The following NSUN2 variants were observed in gnomAD, a reference collection of about 807,000 sequenced individuals.
NSUN2 encodes the protein RNA cytosine C(5)-methyltransferase NSUN2.
In NSUN2, 63 loss-of-function variants were observed where a neutral mutation model predicts 92.7. That is an observed-to-expected ratio of 0.68 (90% confidence interval 0.56 to 0.84). The LOEUF (loss-of-function observed/expected upper bound fraction) is 0.84. Among genes scored for constraint, NSUN2 ranks in the 40% least tolerant of loss-of-function variants. The pLI is 0.00. For synonymous variants in NSUN2, 356 were observed against 348.3 expected, an observed-to-expected ratio of 1.02 and a Z score of -0.25; for missense variants, 989 against 964.9, an observed-to-expected ratio of 1.02 and a Z score of -0.33.
intron 12 of NSUN2, among the ~76,000 whole-genome samples, chr5:6,609,046 A>C (rs1736888685): frequency 6.6e-6 from 1 of 152,208 alleles, no homozygotes; most frequent in South Asian, 2.1e-4. Flanking sequence ...TAAACTGCAC[A>C]AACCGTGCCC....
rs774801509 is a variant in NSUN2, at chr5:6,623,232, G to A, written c.519C>T (p.Asn173=). The A allele has an allele frequency of 4.9e-5, 79 of 1,603,208 alleles. No homozygotes were observed. Among genetic ancestry groups the A allele is most frequent in the Admixed American group, 1.5e-4 (9 of 58,172 alleles). Residue 173 remains asparagine, a synonymous_variant, in exon 5 of 19, where the codon AAC becomes AAT. Coordinates refer to ENST00000264670, the MANE Select transcript of NSUN2 (RefSeq NM_017755.6). ...AVSMIPPLLL[N]VRPHHKILDM... ...ATGCTACCTTATGATGAGGCCGCAC[G>A]TTGAGGAGCAGTGGTGGGATCATGC...
chr5:6,611,027 T>G lies in NSUN2; in HGVS notation c.1154A>C (p.His385Pro). 1 of 1,614,158 alleles carries G rather than the reference T, an allele frequency of 6.2e-7. No individual in the cohort carries two copies. The highest frequency in any genetic ancestry group is 8.5e-7 in the Non-Finnish European group (1 of 1,180,030). The change falls in exon 11 of 19, where the codon CAC becomes CCC. Residue 385 changes from histidine to proline, a missense_variant. His to Pro is a moderately conservative substitution (Grantham distance 77, BLOSUM62 -2). Transcript: ENST00000264670. ...GAACATGGTAGGTCGGATCTGGGTG[T>G]GTCTGCTGTGAGGAACAGCGTCCCA... The part of the protein sequence containing the change: ...TDWDAVPHSR[H>P]TQIRPTMFPP...
At chr5:6,611,233 A>G in intron 10 of NSUN2, 148 bp from the exon 11 acceptor site, 3 of 857,424 alleles carry the variant, frequency 3.5e-6, no homozygotes, top group Non-Finnish European at 5.2e-6. Context: ...AAGACAAAAC[A>G]AAACAATCTT....
chr5:6,604,521 ATC>A, intron 16 of NSUN2, 82 bp downstream of exon 16: 6 of 1,269,174 alleles, frequency 4.7e-6, no homozygotes, highest in Non-Finnish European at 6.9e-6. Flanking sequence ...CACTCAGACC[ATC>A]TGGCTGACCA....
rs11743548 is a variant in NSUN2 at position 6,605,716 on chromosome 5, G to T, written c.1602-308C>A. ...CTTTTGAGACTTTTTTTTTTTTTTT[G>T]ATATGGAGTCTTGCTCTGTCTTCCA... On this transcript the variant is annotated intron_variant, in intron 14 of 18. Coordinates refer to ENST00000264670, the MANE Select transcript of NSUN2 (RefSeq NM_017755.6). Among the ~76,000 whole-genome samples, 56,251 of 137,976 alleles carry T rather than the reference G, an allele frequency of 0.41. 10,752 individuals are homozygous for T. The highest frequency in any genetic ancestry group is 0.49 in the Middle Eastern group (135 of 274). The allele number at this position is 137,976 out of a possible 152,430, so 90.5% of individuals were successfully genotyped here. A position where few individuals can be genotyped will look rare whatever the true frequency, so the allele number is the denominator to read the frequency against.
chr5:6,612,259 G>A (rs568204), intron 9 of NSUN2, among the ~76,000 whole-genome samples: 4,138 of 152,264 alleles, frequency 0.027, 198 homozygotes, highest in African/African-American at 0.094. Context: ...CGCCTGCTCC[G>A]TCTCCCCATT....
At chr5:6,604,485 TG>T in intron 16 of NSUN2, 119 bp downstream of exon 16, 1 of 1,008,864 alleles carries the variant, frequency 9.9e-7, no homozygotes, top group Non-Finnish European at 1.5e-6. Context: ...GTCAAGTGGC[TG>T]GTAGGTGCCA....
chr5:6,622,414 C>T (rs1737483059), intron 5 of NSUN2, among the ~76,000 whole-genome samples: 1 of 152,196 alleles, frequency 6.6e-6, no homozygotes, highest in Admixed American at 6.5e-5. Context: ...CAAATCTCAG[C>T]TCAGCCAGTT....
intron 14 of NSUN2, 77 bp from the exon 15 acceptor site, chr5:6,605,485 T>C: frequency 6.7e-7 from 1 of 1,491,132 alleles, no homozygotes. Flanking sequence ...CTTATTCTCC[T>C]CCTCCAGAAT....
At chr5:6,619,097 A>G (rs1011741840) in intron 7 of NSUN2, among the ~76,000 whole-genome samples, 2 of 152,222 alleles carry the variant, frequency 1.3e-5, no homozygotes. Context: ...GGAACGAGTT[A>G]TCTTTCTGAT....
intron 7 of NSUN2, among the ~76,000 whole-genome samples, chr5:6,619,620 C>T (rs2288443): frequency 0.68 from 103,994 of 152,110 alleles, 35,736 homozygotes; most frequent in Middle Eastern, 0.74. Context: ...AAAACACAAG[C>T]AAAATGAATT....
At chr5:6,621,867 T>A in intron 6 of NSUN2, 149 bp downstream of exon 6, 1 of 631,700 alleles carries the variant, frequency 1.6e-6, no homozygotes, top group Admixed American at 2.7e-5. Context: ...AGGCAAGATG[T>A]CCAGTTCTAC....
At chr5:6,611,322 C>A (rs1376853185) in intron 10 of NSUN2, among the ~76,000 whole-genome samples, 1 of 151,918 alleles carries the variant, frequency 6.6e-6, no homozygotes, top group East Asian at 1.9e-4. Context: ...AAAACCAGGA[C>A]AAGCATTATA....
intron 11 of NSUN2, 133 bp from the exon 12 acceptor site, chr5:6,610,055 GTAAACT>G (rs1553997374): frequency 1.8e-6 from 1 of 550,620 alleles, no homozygotes. Context: ...TGGCCAATAT[GTAAACT>G]TAAATTTTTT....
At chr5:6,623,356 C>A in intron 4 of NSUN2, 71 bp from the exon 5 acceptor site, 1 of 1,391,304 alleles carries the variant, frequency 7.2e-7, no homozygotes, top group South Asian at 1.3e-5. Flanking sequence ...CAATCTTTGG[C>A]ATTGTTTCAA....
rs780558498 is a variant in NSUN2, at chr5:6,622,044, T to C, written c.594A>G (p.Leu198=). The C allele has an allele frequency of 1.1e-5, 18 of 1,614,042 alleles. No homozygotes were observed. Among genetic ancestry groups the C allele is most frequent in the East Asian group, 2.2e-5 (1 of 44,894 alleles). Residue 198 remains leucine, a synonymous_variant, in exon 6 of 19, where the codon CTA becomes CTG. Coordinates refer to ENST00000264670, the MANE Select transcript of NSUN2 (RefSeq NM_017755.6). Reference sequence around the variant, plus strand: ...GAAAGGGGACATTCATGTCGGCATGTAGCATTTCAATTAACTGTGTGGTCT... The same window carrying C: ...GAAAGGGGACATTCATGTCGGCATGCAGCATTTCAATTAACTGTGTGGTCT... ...GSKTTQLIEM[L]HADMNVPFPE... is the part of the protein sequence containing the mutation.
At position 6,621,747 on chromosome 5, in the gene NSUN2, C is replaced by CA. The variant is rs36037471; in HGVS notation, c.622+268dup. On this transcript the variant is annotated intron_variant, in intron 6 of 18. Transcript: ENST00000264670. Reference sequence around the variant, plus strand: ...TGGGCAACAGAGTGAGACTCCATCTCAAAAAAAAAAAAAAGAAATGCCATT... The same window carrying CA: ...TGGGCAACAGAGTGAGACTCCATCTCAAAAAAAAAAAAAAAGAAATGCCATT... 118,747 of 245,984 alleles carry CA rather than the reference C, an allele frequency of 0.48. 22,371 individuals carry two copies. Among genetic ancestry groups the CA allele is most frequent in the African/African-American group, 0.57 (22,048 of 38,934 alleles). The allele number at this position is 245,984 out of a possible 1,614,324, so 15.2% of individuals were successfully genotyped here.
intron 18 of NSUN2, 150 bp downstream of exon 18, chr5:6,602,311 T>C (rs1444680180): frequency 1.2e-5 from 9 of 743,106 alleles, no homozygotes; most frequent in Non-Finnish European, 2.1e-5. Flanking sequence ...ATATTTTGGT[T>C]CTGAAGTTTT....
At position 6,604,899 on chromosome 5, in the gene NSUN2, A is replaced by T. The variant is rs111339847; in HGVS notation, c.1738-214T>A. 1,482 of 603,900 alleles carry T rather than the reference A, an allele frequency of 2.5e-3. 19 individuals are homozygous for T. The African/African-American group carries it at 0.025, about 10-fold the overall frequency. The allele number at this position is 603,900 out of a possible 1,614,324, so 37.4% of individuals were successfully genotyped here. On this transcript the variant is annotated intron_variant, in intron 15 of 18. Transcript: ENST00000264670. ...AAAGCAAATGAAAGAAGGGCCCCCA[A>T]ATGGCCAAATTCTAAGGGAAGTACC...
Sources: allele counts gnomAD v4.1 joint callset (sites outside exome capture counted in the v4.1 genomes callset), GRCh38; gene constraint gnomAD v4.1.1; transcripts MANE v1.5; gene names NCBI Gene and HGNC (gene_info 2026-07-23, HGNC 2026-07-21).